ARHGEF12: variants seen among roughly 807,000 people sequenced by gnomAD.
The protein encoded by ARHGEF12 is KMT2A/ARHGEF12 fusion protein.
Under a neutral mutation model 211.2 loss-of-function variants are expected in ARHGEF12, and 66 were observed. The observed-to-expected ratio is 0.31, with a 90% confidence interval of 0.26 to 0.38. The LOEUF (loss-of-function observed/expected upper bound fraction) is 0.38, where lower values mean the gene tolerates loss of function less well. ARHGEF12 is among the 10% of genes least tolerant of loss of function. The pLI, the probability that ARHGEF12 is intolerant of heterozygous loss-of-function variation, is 1.00. For missense variants in ARHGEF12, 1,429 were observed against 1,869.5 expected, an observed-to-expected ratio of 0.76 and a Z score of 4.34; for synonymous variants, 592 against 638.4, an observed-to-expected ratio of 0.93 and a Z score of 1.09.
intron 1 of ARHGEF12, among the ~76,000 whole-genome samples, chr11:120,394,435 ATCC>A (rs2135512895): frequency 6.6e-6 from 1 of 151,710 alleles, no homozygotes; most frequent in Non-Finnish European, 1.5e-5. Context: ...GGTTCAAGCA[ATCC>A]TCCTGCCTCG....
At position 120,473,081 on chromosome 11, in the gene ARHGEF12, C is replaced by T; in HGVS notation, c.2987C>T (p.Thr996Ile). Residue 996 changes from threonine to isoleucine, a missense_variant, in exon 31 of 41, where the codon ACC becomes ATC. Coordinates refer to ENST00000397843, the MANE Select transcript of ARHGEF12 (RefSeq NM_015313.3). ...GAAGATTATCAGCGTCGCCTTGATA[C>T]CTCCAGCCTGAAGTTGTCAGAGTAC... ...RLEDYQRRLD[T>I]SSLKLSEYPN... 6.2e-7 allele frequency: 1 copy of T among 1,613,704 alleles called. No homozygotes were observed. The highest frequency in any genetic ancestry group is 8.5e-7 in the Non-Finnish European group (1 of 1,179,792).
chr11:120,351,437 ATATATATATATATATATATTTT>A (rs1201104097), intron 1 of ARHGEF12, among the ~76,000 whole-genome samples: 22 of 3,288 alleles, frequency 6.7e-3, no homozygotes, highest in Admixed American at 0.012. Context: ...ATATATATAT[ATATATATATATATATATATTTT>A]TTTTTTTTTT....
rs535045623 is a variant in ARHGEF12, at chr11:120,451,391, A to C, written c.1844-121A>C. On this transcript the variant is annotated intron_variant, in intron 21 of 40. Transcript: ENST00000397843. ...ACGGGGTTTCACCATATTAGCCAGG[A>C]TGGTCTCGATCTCCTGACCTCATGA... 153 of 798,880 alleles carry C rather than the reference A, an allele frequency of 1.9e-4. 1 individual carries two copies. In the South Asian group the frequency reaches 2.5e-3, roughly 13 times the overall value. The allele number at this position is 798,880 out of a possible 1,614,324, so 49.5% of individuals were successfully genotyped here. A position where few individuals can be genotyped will look rare whatever the true frequency, so the allele number is the denominator to read the frequency against.
chr11:120,403,829 A>G (rs918912791), intron 1 of ARHGEF12, among the ~76,000 whole-genome samples: 22 of 152,244 alleles, frequency 1.4e-4, no homozygotes, highest in African/African-American at 4.8e-4. Context: ...TGATTAGACT[A>G]CACAGTGGAC....
At chr11:120,443,950 G>A (rs796566038) in intron 15 of ARHGEF12, among the ~76,000 whole-genome samples, 26 of 152,250 alleles carry the variant, frequency 1.7e-4, no homozygotes, top group African/African-American at 6.0e-4. Flanking sequence ...TTTGTACAAC[G>A]GACTTGAGAG....
chr11:120,426,886 T>C lies in ARHGEF12; in HGVS notation c.407-1183T>C, dbSNP rs117184645. 9.6e-3 allele frequency among the ~76,000 whole-genome samples: 1,344 copies of C among 140,352 alleles called. 90 individuals are homozygous for C. The South Asian group carries it at 0.17, about 18-fold the overall frequency. The allele number at this position is 140,352 out of a possible 152,430, so 92.1% of individuals were successfully genotyped here. A position where few individuals can be genotyped will look rare whatever the true frequency, so the allele number is the denominator to read the frequency against. On this transcript the variant is annotated intron_variant, in intron 7 of 40. Coordinates refer to ENST00000397843, the MANE Select transcript of ARHGEF12 (RefSeq NM_015313.3). ...TTTTTTTTTGTTTTTGTTTTTGTTT[T>C]TGTTTTTTGAGACGAATTCTTGTTC... is the stretch of plus-strand genomic sequence containing the variant.
At chr11:120,377,389 G>A (rs912797014) in intron 1 of ARHGEF12, among the ~76,000 whole-genome samples, 1 of 151,758 alleles carries the variant, frequency 6.6e-6, no homozygotes, top group African/African-American at 2.4e-5. Flanking sequence ...CAGGCTGGCT[G>A]GAGTACAGTG....
rs757067729 is a variant in ARHGEF12 at position 120,480,421 on chromosome 11, C to T, written c.4228C>T (p.Arg1410Cys). 25 of 1,607,244 alleles carry T rather than the reference C, an allele frequency of 1.6e-5. No individual in the cohort carries two copies. Among genetic ancestry groups the T allele is most frequent in the African/African-American group, 4.0e-5 (3 of 74,852 alleles). ...VNKEEKDVNLRISGNYLILDG... is the reference protein window; with the variant it reads ...VNKEEKDVNLCISGNYLILDG... ...CAAGGAAGAGAAGGATGTTAATTTA[C>T]GCATCTCAGGCAAGTATCTTTCACA... Residue 1410 changes from arginine to cysteine, a missense_variant, in exon 38 of 41, where the codon CGC becomes TGC. Transcript: ENST00000397843.
At chr11:120,446,904 GTTTT>G in intron 17 of ARHGEF12, 40 bp from the exon 18 acceptor site, 1 of 1,592,202 alleles carries the variant, frequency 6.3e-7, no homozygotes, top group Non-Finnish European at 8.5e-7. Context: ...GAATGAGGTA[GTTTT>G]TCTTTAGGCT....
intron 29 of ARHGEF12, among the ~76,000 whole-genome samples, chr11:120,468,464 T>G (rs1946770690): frequency 6.6e-6 from 1 of 152,204 alleles, no homozygotes; most frequent in South Asian, 2.1e-4. Flanking sequence ...GTTTTGTTTT[T>G]TTGAGACGGA....
At chr11:120,466,193 G>T (rs4938808) in intron 28 of ARHGEF12, among the ~76,000 whole-genome samples, 64,745 of 152,106 alleles carry the variant, frequency 0.43, 14,121 homozygotes, top group African/African-American at 0.5. Context: ...CAGCGTCAGC[G>T]GGAGCTGCAG....
At chr11:120,425,764 A>G (rs1005480814) in intron 7 of ARHGEF12, among the ~76,000 whole-genome samples, 20 of 151,318 alleles carry the variant, frequency 1.3e-4, no homozygotes, top group Non-Finnish European at 2.5e-4. Flanking sequence ...ATCTCTTAAA[A>G]AAAAAAAAAA....
At chr11:120,412,534 C>T (rs1400362574) in intron 4 of ARHGEF12, among the ~76,000 whole-genome samples, 3 of 152,196 alleles carry the variant, frequency 2.0e-5, no homozygotes, top group Middle Eastern at 3.2e-3. Flanking sequence ...TGCCAATGCC[C>T]TTTCTTTAGT....
At chr11:120,416,289 C>T (rs1245531021) in intron 4 of ARHGEF12, among the ~76,000 whole-genome samples, 2 of 152,026 alleles carry the variant, frequency 1.3e-5, no homozygotes, top group African/African-American at 4.8e-5. Context: ...TTCCTTCTGT[C>T]CCAGAATACA....
intron 27 of ARHGEF12, among the ~76,000 whole-genome samples, chr11:120,461,405 CT>C (rs897792561): frequency 4.7e-4 from 70 of 148,788 alleles, no homozygotes; most frequent in South Asian, 1.3e-3. Context: ...TTAAAAGTAA[CT>C]TTTTTTTTTT....
chr11:120,390,528 C>T (rs948864240), intron 1 of ARHGEF12, among the ~76,000 whole-genome samples: 1 of 152,096 alleles, frequency 6.6e-6, no homozygotes, highest in African/African-American at 2.4e-5. Flanking sequence ...CTGAATTATC[C>T]ACTGAGCTCT....
chr11:120,436,283 C>A (rs1012588341), intron 11 of ARHGEF12, among the ~76,000 whole-genome samples: 1 of 152,092 alleles, frequency 6.6e-6, no homozygotes, highest in Non-Finnish European at 1.5e-5. Context: ...TTGTCCAAGA[C>A]CTGAAAGTCA....
At chr11:120,344,265 C>CAAAAAAAAAA (rs71473103) in intron 1 of ARHGEF12, among the ~76,000 whole-genome samples, 11 of 53,024 alleles carry the variant, frequency 2.1e-4, no homozygotes, top group African/African-American at 6.5e-4. Flanking sequence ...GACTCCGTCT[C>CAAAAAAAAAA]AAAAAAAAAA....
intron 22 of ARHGEF12, among the ~76,000 whole-genome samples, chr11:120,452,465 T>A (rs1162296642): frequency 6.6e-6 from 1 of 152,010 alleles, no homozygotes; most frequent in Admixed American, 6.6e-5. Flanking sequence ...CTGGGAGTGG[T>A]CCCTGAGGTG....
Sources: gnomAD v4.1 joint callset for allele counts (sites outside exome capture counted in the v4.1 genomes callset) on GRCh38, gnomAD v4.1.1 for gene constraint, MANE v1.5 for transcripts, NCBI Gene and HGNC (gene_info 2026-07-23, HGNC 2026-07-21) for gene names.